Variants in MDFIC2 observed in about 807,000 individuals in gnomAD.
MDFIC2 encodes myoD family inhibitor domain-containing protein 2.
intron 2 of MDFIC2, among the ~76,000 whole-genome samples, chr3:70,280,391 G>A (rs1244887387): frequency 6.6e-6 from 1 of 152,058 alleles, no homozygotes; most frequent in Non-Finnish European, 1.5e-5. Flanking sequence ...GACATTCTGG[G>A]TGGCCATTAT....
intron 2 of MDFIC2, among the ~76,000 whole-genome samples, chr3:70,297,530 T>C (rs1044665047): frequency 1.1e-4 from 17 of 152,140 alleles, no homozygotes; most frequent in African/African-American, 2.7e-4. Context: ...ATATGAAGGC[T>C]TATTATTGCA....
intron 2 of MDFIC2, among the ~76,000 whole-genome samples, chr3:70,250,749 T>G (rs1207128651): frequency 6.6e-6 from 1 of 152,168 alleles, no homozygotes; most frequent in African/African-American, 2.4e-5. Flanking sequence ...CATCTTGCAA[T>G]TTGGGACTAA....
intron 2 of MDFIC2, among the ~76,000 whole-genome samples, chr3:70,290,867 C>T (rs1702230534): frequency 6.6e-6 from 1 of 152,174 alleles, no homozygotes. Flanking sequence ...AAAGGGAACT[C>T]GCTGACCCCT....
chr3:70,260,952 A>AT (rs1701860320), intron 2 of MDFIC2, among the ~76,000 whole-genome samples: 1 of 152,048 alleles, frequency 6.6e-6, no homozygotes, highest in African/African-American at 2.4e-5. Context: ...AAGATAAGTG[A>AT]TTTTCTCAAG....
intron 2 of MDFIC2, among the ~76,000 whole-genome samples, chr3:70,305,331 A>C (rs1028505000): frequency 6.6e-6 from 1 of 152,342 alleles, no homozygotes; most frequent in African/African-American, 2.4e-5. Flanking sequence ...GAGTTAATGA[A>C]AACTACAGAA....
intron 2 of MDFIC2, among the ~76,000 whole-genome samples, chr3:70,296,853 T>C (rs1209816688): frequency 6.6e-6 from 1 of 152,050 alleles, no homozygotes; most frequent in Non-Finnish European, 1.5e-5. Flanking sequence ...TATGTAATAA[T>C]GGCCTCTCTG....
intron 2 of MDFIC2, among the ~76,000 whole-genome samples, chr3:70,281,450 G>T (rs1418922707): frequency 1.3e-5 from 2 of 152,214 alleles, no homozygotes; most frequent in East Asian, 3.9e-4. Flanking sequence ...GCAAGTAATC[G>T]TGAACAGGCC....
chr3:70,235,113 C>G (rs1197956109), intron 2 of MDFIC2, among the ~76,000 whole-genome samples: 1 of 152,122 alleles, frequency 6.6e-6, no homozygotes, highest in African/African-American at 2.4e-5. Context: ...TTTCCAACCT[C>G]TATTGGAGAA....
chr3:70,302,495 AG>A (rs1408613413), intron 2 of MDFIC2: 1 of 152,152 alleles, frequency 6.6e-6, no homozygotes, highest in African/African-American at 2.4e-5. Flanking sequence ...ATGTTGATTA[AG>A]TGTATCACAT....
chr3:70,287,137 G>T, intron 2 of MDFIC2, among the ~76,000 whole-genome samples: 1 of 136,378 alleles, frequency 7.3e-6, no homozygotes, highest in Admixed American at 7.3e-5. Flanking sequence ...TCTTGTGCCA[G>T]TTTTCAAAGG....
intron 2 of MDFIC2, among the ~76,000 whole-genome samples, chr3:70,303,427 A>G (rs1020581053): frequency 3.0e-4 from 45 of 152,140 alleles, no homozygotes; most frequent in African/African-American, 1.1e-3. Flanking sequence ...ATGCGGAGCT[A>G]ATTAATTCCA....
intron 2 of MDFIC2, among the ~76,000 whole-genome samples, chr3:70,281,692 T>C (rs1359947248): frequency 6.6e-6 from 1 of 152,178 alleles, no homozygotes; most frequent in Non-Finnish European, 1.5e-5. Context: ...TCACCATCAT[T>C]GCTTTTTGCC....
intron 2 of MDFIC2, among the ~76,000 whole-genome samples, chr3:70,266,753 T>C (rs1312603425): frequency 2.0e-5 from 3 of 152,188 alleles, no homozygotes; most frequent in Non-Finnish European, 4.4e-5. Flanking sequence ...GCTTATACTT[T>C]TCTTTTAAAA....
intron 2 of MDFIC2, among the ~76,000 whole-genome samples, chr3:70,277,117 G>A (rs535844663): frequency 1.3e-5 from 2 of 152,266 alleles, no homozygotes; most frequent in East Asian, 3.9e-4. Context: ...GGCTAAGTCT[G>A]TGTGATTAGG....
intron 2 of MDFIC2, among the ~76,000 whole-genome samples, chr3:70,274,507 T>C (rs1702003517): frequency 6.6e-6 from 1 of 152,206 alleles, no homozygotes; most frequent in African/African-American, 2.4e-5. Flanking sequence ...CTGAAGAACT[T>C]AGTAAGAAAC....
intron 2 of MDFIC2, among the ~76,000 whole-genome samples, chr3:70,247,827 TA>T (rs1020692182): frequency 1.8e-4 from 28 of 151,526 alleles, no homozygotes; most frequent in East Asian, 1.9e-4. Context: ...TTATGGTCAT[TA>T]AAAAAAATAG....
chr3:70,202,303 C>T (rs1559533915), intron 3 of MDFIC2, among the ~76,000 whole-genome samples: 1 of 151,968 alleles, frequency 6.6e-6, no homozygotes, highest in South Asian at 2.1e-4. Context: ...GTAACTAGTG[C>T]TCTATCTGAT....
intron 2 of MDFIC2, among the ~76,000 whole-genome samples, chr3:70,288,186 G>T (rs1469474051): frequency 5.0e-5 from 7 of 141,308 alleles, no homozygotes; most frequent in African/African-American, 1.9e-4. Flanking sequence ...GCTTTCTCTT[G>T]TGGGCATTTA....
chr3:70,202,762 A>C (rs1011752146), intron 3 of MDFIC2, among the ~76,000 whole-genome samples: 1 of 152,148 alleles, frequency 6.6e-6, no homozygotes, highest in African/African-American at 2.4e-5. Flanking sequence ...TGTGATGAGC[A>C]AAGTGATACC....
Sources: allele counts gnomAD v4.1 joint callset (sites outside exome capture counted in the v4.1 genomes callset), GRCh38; gene constraint gnomAD v4.1.1; transcripts MANE v1.5; gene names NCBI Gene and HGNC (gene_info 2026-07-23, HGNC 2026-07-21).